Variants in YEATS2 observed in about 807,000 individuals in gnomAD.
The protein encoded by YEATS2 is YEATS domain containing 2.
In YEATS2, 77 loss-of-function variants were observed where a neutral mutation model predicts 163.2. The ratio of observed to expected loss-of-function variants is 0.47; its 90% CI spans 0.39 to 0.57. YEATS2 has a LOEUF of 0.57. YEATS2 is among the 20% of genes least tolerant of loss of function. The pLI is 0.00. For missense variants in YEATS2, 1,549 were observed against 1,729.8 expected (o/e 0.90, Z 1.85); for synonymous variants, 631 against 645.1 (o/e 0.98, Z 0.33).
At chr3:183,801,236 A>T in intron 24 of YEATS2, 1 of 432,384 alleles carries the variant, frequency 2.3e-6, no homozygotes, top group South Asian at 4.1e-5. Flanking sequence ...ATAATCTTCC[A>T]TTCCTGGGAT....
chr3:183,758,814 T>C, intron 12 of YEATS2, 48 bp from the exon 13 acceptor site: 1 of 1,272,746 alleles, frequency 7.9e-7, no homozygotes, highest in Admixed American at 2.1e-5. Context: ...AAAATTACCT[T>C]TTGTAAATTT....
intron 15 of YEATS2, among the ~76,000 whole-genome samples, chr3:183,768,572 A>C (rs1233091997): frequency 1.3e-5 from 2 of 152,190 alleles, no homozygotes; most frequent in Non-Finnish European, 2.9e-5. Flanking sequence ...TATACAGAAA[A>C]GTTCTTGATC....
At chr3:183,698,303 C>G (rs1327417652) in intron 1 of YEATS2, among the ~76,000 whole-genome samples, 1 of 152,190 alleles carries the variant, frequency 6.6e-6, no homozygotes, top group East Asian at 1.9e-4. Flanking sequence ...ATGTTAAGCT[C>G]TTGGCCTTGG....
At chr3:183,744,279 AT>A (rs534205727) in intron 8 of YEATS2, among the ~76,000 whole-genome samples, 16 of 150,204 alleles carry the variant, frequency 1.1e-4, no homozygotes, top group Non-Finnish European at 1.8e-4. Context: ...CGCACGGCTA[AT>A]TTTTTTTTGT....
In YEATS2 at chr3:183,773,681, A is replaced by C. The variant is rs1560298054; in HGVS notation, c.2255A>C (p.Asn752Thr). 1 of 1,611,842 alleles carries C rather than the reference A, an allele frequency of 6.2e-7. No individual in the cohort carries two copies. Among genetic ancestry groups the C allele is most frequent in the South Asian group, 1.1e-5 (1 of 90,438 alleles). The change falls in exon 17 of 31, where the codon AAT becomes ACT. Residue 752 changes from asparagine (N) to threonine (T), a missense_variant. Transcript: ENST00000305135. ...GCCACTAATTTGGCCAACTTGGCAA[A>C]TTTGCCTCCTGGCACTAAACTCTAC... is the stretch of plus-strand genomic sequence containing the variant. ...LPATNLANLA[N>T]LPPGTKLYLT...
chr3:183,733,378 C>T (rs1178410769), intron 7 of YEATS2, among the ~76,000 whole-genome samples: 1 of 152,136 alleles, frequency 6.6e-6, no homozygotes, highest in Admixed American at 6.6e-5. Flanking sequence ...TTTCAGTTGT[C>T]ACTTGTGTGA....
At position 183,808,039 on chromosome 3, in the gene YEATS2, A is replaced by G. The variant is rs147310699; in HGVS notation, c.4021A>G (p.Thr1341Ala). 1.1e-4 allele frequency: 172 copies of G among 1,561,126 alleles called. 1 individual carries two copies. In the East Asian group the frequency reaches 3.8e-3, roughly 35 times the overall value. Residue 1341 changes from threonine to alanine, a missense_variant, in exon 29 of 31, where the codon ACC becomes GCC. By Grantham distance (58) the Thr-to-Ala change is moderately conservative. Transcript: ENST00000305135. ...TCTTCTGCTTTTCCAGATTGGGATC[A>G]CCCTGCAGCCCGTGGCACTCCACAG... is the stretch of plus-strand genomic sequence containing the variant. Reference protein sequence around the residue: ...IGDVTQKIGITLQPVALHRNV... With the variant: ...IGDVTQKIGIALQPVALHRNV...
At chr3:183,766,369 G>A (rs541823345) in intron 15 of YEATS2, among the ~76,000 whole-genome samples, 1 of 152,344 alleles carries the variant, frequency 6.6e-6, no homozygotes, top group African/African-American at 2.4e-5. Context: ...ATGGTTATCA[G>A]TGAGCACTTA....
intron 14 of YEATS2, among the ~76,000 whole-genome samples, chr3:183,761,845 T>A (rs1721387987): frequency 6.6e-6 from 1 of 152,200 alleles, no homozygotes; most frequent in Admixed American, 6.5e-5. Flanking sequence ...TTTGCCACAG[T>A]CTCTAAAACA....
chr3:183,797,182 T>C (rs1725229443), intron 21 of YEATS2, among the ~76,000 whole-genome samples: 1 of 149,528 alleles, frequency 6.7e-6, no homozygotes. Context: ...GGCAGGAGAA[T>C]CGCTTGAACC....
intron 29 of YEATS2, 139 bp from the exon 30 acceptor site, chr3:183,808,958 C>CTT (rs1726510756): frequency 1.4e-6 from 1 of 719,768 alleles, no homozygotes; most frequent in African/African-American, 1.8e-5. Context: ...TTATTGAGGC[C>CTT]TTTAATTTTT....
At chr3:183,766,362 G>A (rs1577144512) in intron 15 of YEATS2, among the ~76,000 whole-genome samples, 3 of 152,332 alleles carry the variant, frequency 2.0e-5, no homozygotes, top group African/African-American at 7.2e-5. Context: ...CATTGTAATG[G>A]TTATCAGTGA....
intron 15 of YEATS2, among the ~76,000 whole-genome samples, chr3:183,767,488 C>G (rs1197275385): frequency 1.3e-5 from 2 of 151,870 alleles, no homozygotes; most frequent in African/African-American, 2.4e-5. Flanking sequence ...TCAAGTGATT[C>G]TCTTGACTCA....
Position 183,796,148 on chromosome 3 carries a change from AT to A in YEATS2, c.3098-1754del, listed in dbSNP as rs1176974770. ...CAGGCACCTGCCACCATGCCCGGCT[AT>A]TTTTTTTTTTTTTTTTTTTTGTATT... On this transcript the variant is annotated intron_variant, in intron 21 of 30. Transcript: ENST00000305135. 5.7e-3 allele frequency among the ~76,000 whole-genome samples: 549 copies of A among 96,062 alleles called. 1 individual carries two copies. The highest frequency in any genetic ancestry group is 0.015 in the African/African-American group (348 of 23,320). 63.0% of individuals were successfully genotyped at this position (96,062 alleles called of 152,430 possible). A position where few individuals can be genotyped will look rare whatever the true frequency, so the allele number is the denominator to read the frequency against.
At chr3:183,769,967 G>A (rs957998481) in intron 15 of YEATS2, among the ~76,000 whole-genome samples, 2 of 151,692 alleles carry the variant, frequency 1.3e-5, no homozygotes. Context: ...TTACAGGCGC[G>A]AGCCACCATA....
At chr3:183,784,145 C>T (rs911771678) in intron 19 of YEATS2, among the ~76,000 whole-genome samples, 1 of 152,190 alleles carries the variant, frequency 6.6e-6, no homozygotes, top group Non-Finnish European at 1.5e-5. Flanking sequence ...AGTGGCCTCC[C>T]AAAGTGCTGG....
chr3:183,699,070 C>T (rs992936315), intron 1 of YEATS2, among the ~76,000 whole-genome samples: 1 of 152,080 alleles, frequency 6.6e-6, no homozygotes, highest in African/African-American at 2.4e-5. Flanking sequence ...GAGGAACCTA[C>T]GAGGTCAGTT....
chr3:183,759,065 C>A, intron 13 of YEATS2, 100 bp downstream of exon 13: 1 of 787,432 alleles, frequency 1.3e-6, no homozygotes, highest in South Asian at 2.2e-5. Context: ...CCGTATTAAC[C>A]AGGCTGTATC....
intron 2 of YEATS2, among the ~76,000 whole-genome samples, chr3:183,717,101 C>T (rs1342705378): frequency 6.6e-6 from 1 of 151,984 alleles, no homozygotes; most frequent in Non-Finnish European, 1.5e-5. Flanking sequence ...CCATGTTGTC[C>T]AGGCTGGTCT....
Sources: gnomAD v4.1 joint callset for allele counts (sites outside exome capture counted in the v4.1 genomes callset) on GRCh38, gnomAD v4.1.1 for gene constraint, MANE v1.5 for transcripts, NCBI Gene and HGNC (gene_info 2026-07-23, HGNC 2026-07-21) for gene names.